TOX3: variants seen among roughly 807,000 people sequenced by gnomAD.
The protein encoded by TOX3 is CAG trinucleotide repeat-containing gene F9 protein.
TOX3 carries 22 observed loss-of-function variants against 64.3 expected under a neutral mutation model. The ratio of observed to expected loss-of-function variants is 0.34; its 90% CI spans 0.24 to 0.49. The LOEUF (loss-of-function observed/expected upper bound fraction) is 0.49. Among genes scored for constraint, TOX3 ranks in the 20% least tolerant of loss-of-function variants. The pLI is 0.99. For missense variants in TOX3, 661 were observed against 714.4 expected (o/e 0.93, Z 0.85); for synonymous variants, 291 against 273.6 (o/e 1.06, Z -0.63).
At chr16:52,528,267 T>G (rs748918034) in intron 1 of TOX3, among the ~76,000 whole-genome samples, 1 of 152,208 alleles carries the variant, frequency 6.6e-6, no homozygotes, top group Non-Finnish European at 1.5e-5. Context: ...AGAGTTATAG[T>G]GCATATTTAC....
chr16:52,452,893 A>AT (rs1880987403), intron 3 of TOX3, among the ~76,000 whole-genome samples: 1 of 152,154 alleles, frequency 6.6e-6, no homozygotes, highest in African/African-American at 2.4e-5. Flanking sequence ...ACACTCCCTT[A>AT]TATCACCGGC....
chr16:52,444,499 G>GCATA (rs1555478697), intron 5 of TOX3, 143 bp from the exon 6 acceptor site: 2 of 379,824 alleles, frequency 5.3e-6, no homozygotes, highest in Non-Finnish European at 9.4e-6. Context: ...GTTAGCGCAT[G>GCATA]CACACACACA....
intron 1 of TOX3, among the ~76,000 whole-genome samples, chr16:52,499,710 T>A (rs745609019): frequency 2.1e-4 from 32 of 152,238 alleles, no homozygotes; most frequent in Non-Finnish European, 4.1e-4. Context: ...TACTCTCACC[T>A]GGACGCCATG....
At chr16:52,487,496 T>G (rs1389573896) in intron 1 of TOX3, among the ~76,000 whole-genome samples, 1 of 152,110 alleles carries the variant, frequency 6.6e-6, no homozygotes, top group African/African-American at 2.4e-5. Context: ...TAAACACACA[T>G]GTATTGCTCG....
intron 1 of TOX3, among the ~76,000 whole-genome samples, chr16:52,472,132 C>T (rs1381123869): frequency 6.6e-6 from 1 of 152,152 alleles, no homozygotes; most frequent in Non-Finnish European, 1.5e-5. Flanking sequence ...TGATGAGTCA[C>T]GATGCTCGCT....
In TOX3 at chr16:52,446,177, G is replaced by A. The variant is rs1218842455; in HGVS notation, c.723C>T (p.Pro241=). The A allele has an allele frequency of 6.2e-7, 1 of 1,613,722 alleles. No homozygotes were observed. Among genetic ancestry groups the A allele is most frequent in the Non-Finnish European group, 8.5e-7 (1 of 1,179,822 alleles). ...TCTTTTTCTTTTTCTTTGGAGTCTT[G>A]GGCTTCTTGCCAGAGTCTGGAGCAG... is the stretch of plus-strand genomic sequence containing the variant. ...KRAAPDSGKK[P]KTPKKKKKKD... is the part of the protein sequence containing the mutation. Residue 241 remains proline (P), a synonymous_variant, in exon 5 of 7, where the codon CCC becomes CCT. Coordinates refer to ENST00000219746, the MANE Select transcript of TOX3 (RefSeq NM_001080430.4).
At chr16:52,474,259 A>G (rs1365511438) in intron 1 of TOX3, among the ~76,000 whole-genome samples, 2 of 152,126 alleles carry the variant, frequency 1.3e-5, no homozygotes, top group Non-Finnish European at 2.9e-5. Flanking sequence ...ACTGTACCCA[A>G]AATGGACCAT....
chr16:52,493,432 C>T (rs1209468160), intron 1 of TOX3, among the ~76,000 whole-genome samples: 1 of 152,068 alleles, frequency 6.6e-6, no homozygotes, highest in Non-Finnish European at 1.5e-5. Context: ...ATGGTGAATT[C>T]CCAGGAGAGG....
chr16:52,474,835 G>A (rs1311752554), intron 1 of TOX3, among the ~76,000 whole-genome samples: 2 of 151,964 alleles, frequency 1.3e-5, no homozygotes, highest in African/African-American at 2.4e-5. Flanking sequence ...TTCATTCAAG[G>A]GAGATGCCCA....
chr16:52,449,805 C>A (rs1267259891), intron 4 of TOX3, among the ~76,000 whole-genome samples: 2 of 152,186 alleles, frequency 1.3e-5, no homozygotes, highest in African/African-American at 4.8e-5. Context: ...ATGACAAAGG[C>A]AAAAATGTAA....
intron 1 of TOX3, among the ~76,000 whole-genome samples, chr16:52,524,484 G>T (rs1223631622): frequency 6.6e-6 from 1 of 152,108 alleles, no homozygotes; most frequent in African/African-American, 2.4e-5. Flanking sequence ...ATCACCACGG[G>T]TACGTGTACT....
chr16:52,519,388 CAGA>C (rs1428483351), intron 1 of TOX3: 6 of 1,550,350 alleles, frequency 3.9e-6, no homozygotes, highest in Non-Finnish European at 5.2e-6. Flanking sequence ...GAAACCTCAC[CAGA>C]AGATTAGGTC....
intron 1 of TOX3, among the ~76,000 whole-genome samples, chr16:52,471,984 C>T (rs893803736): frequency 1.3e-5 from 2 of 152,192 alleles, no homozygotes; most frequent in Non-Finnish European, 2.9e-5. Context: ...GAGTATTTCA[C>T]TCAGTGATCA....
intron 1 of TOX3, among the ~76,000 whole-genome samples, chr16:52,503,859 T>A (rs1962076525): frequency 6.6e-6 from 1 of 152,198 alleles, no homozygotes. Context: ...TATCATATAA[T>A]CTATGTACCT....
chr16:52,517,288 A>C (rs533977047), intron 1 of TOX3, among the ~76,000 whole-genome samples: 18 of 152,304 alleles, frequency 1.2e-4, no homozygotes, highest in Admixed American at 9.8e-4. Flanking sequence ...CAGAGCCTTC[A>C]CTTGACATTC....
Position 52,546,622 on chromosome 16 carries a change from G to A in TOX3, c.87+15C>T. The A allele has an allele frequency of 6.5e-7, 1 of 1,536,916 alleles. No individual in the cohort carries two copies. On this transcript the variant is annotated intron_variant, in intron 1 of 6. Coordinates refer to ENST00000219746, the MANE Select transcript of TOX3 (RefSeq NM_001080430.4). ...GTGGCCCCCGCCCCCCGGCCCACCGGCCCAGCCCGGTCACCTTGCTGTAGC... is the reference window on the plus strand; with the variant it reads ...GTGGCCCCCGCCCCCCGGCCCACCGACCCAGCCCGGTCACCTTGCTGTAGC...
At chr16:52,476,752 T>A (rs949789501) in intron 1 of TOX3, among the ~76,000 whole-genome samples, 4 of 152,142 alleles carry the variant, frequency 2.6e-5, no homozygotes, top group African/African-American at 9.7e-5. Flanking sequence ...TAAATGCTAC[T>A]TAATAGGATA....
At chr16:52,470,333 C>A (rs74017819) in intron 1 of TOX3, among the ~76,000 whole-genome samples, 1 of 152,164 alleles carries the variant, frequency 6.6e-6, no homozygotes, top group African/African-American at 2.4e-5. Context: ...TCCTGGCCCC[C>A]CAAACCGCCT....
intron 1 of TOX3, among the ~76,000 whole-genome samples, chr16:52,477,999 G>T (rs1345590170): frequency 6.6e-6 from 1 of 152,122 alleles, no homozygotes; most frequent in African/African-American, 2.4e-5. Context: ...CACCATGCCA[G>T]GCTTAAAGCC....
Sources: gnomAD v4.1 joint callset for allele counts (sites outside exome capture counted in the v4.1 genomes callset) on GRCh38, gnomAD v4.1.1 for gene constraint, MANE v1.5 for transcripts, NCBI Gene and HGNC (gene_info 2026-07-23, HGNC 2026-07-21) for gene names.